Variants in ZNF385D observed in about 807,000 individuals in gnomAD.
ZNF385D encodes zinc finger protein 659.
ZNF385D carries 15 observed loss-of-function variants against 35.8 expected under a neutral mutation model. The observed-to-expected ratio is 0.42, with a 90% CI of 0.28 to 0.64. ZNF385D has a LOEUF of 0.64. ZNF385D is among the 30% of genes least tolerant of loss of function. The pLI is 0.23. For missense variants in ZNF385D, 474 were observed against 494.6 expected, an observed-to-expected ratio of 0.96 and a Z score of 0.39; for synonymous variants, 212 against 186.8, an observed-to-expected ratio of 1.13 and a Z score of -1.10.
intron 3 of ZNF385D, among the ~76,000 whole-genome samples, chr3:21,920,594 A>G (rs8180016): frequency 0.53 from 77,420 of 145,932 alleles, 22,608 homozygotes; most frequent in Non-Finnish European, 0.66. Flanking sequence ...ATTTAGTGAT[A>G]AGAAGAGGGT....
intron 2 of ZNF385D, among the ~76,000 whole-genome samples, chr3:21,577,865 T>A (rs1200820759): frequency 1.3e-5 from 2 of 151,672 alleles, no homozygotes; most frequent in Non-Finnish European, 2.9e-5. Flanking sequence ...GTTAGAATGA[T>A]GTGTTGCAAT....
chr3:22,056,936 T>A (rs1699432514), intron 3 of ZNF385D, among the ~76,000 whole-genome samples: 2 of 152,194 alleles, frequency 1.3e-5, no homozygotes, highest in African/African-American at 4.8e-5. Flanking sequence ...ATCACATCAT[T>A]TTCACCAAAA....
chr3:21,899,943 A>C (rs1699316142), intron 3 of ZNF385D, among the ~76,000 whole-genome samples: 1 of 152,142 alleles, frequency 6.6e-6, no homozygotes, highest in Non-Finnish European at 1.5e-5. Flanking sequence ...TAAGTAAAAG[A>C]CCAAAAACAG....
intron 1 of ZNF385D, among the ~76,000 whole-genome samples, chr3:21,745,412 T>G (rs558104047): frequency 6.6e-6 from 1 of 152,346 alleles, no homozygotes; most frequent in East Asian, 1.9e-4. Context: ...TTTCAAGGGC[T>G]GTGTAAGCCT....
chr3:21,590,258 T>A (rs1382166), intron 2 of ZNF385D, among the ~76,000 whole-genome samples: 83,686 of 151,976 alleles, frequency 0.55, 23,191 homozygotes, highest in East Asian at 0.59. Flanking sequence ...GTTACTATGT[T>A]TATGTATATG....
At chr3:22,366,891 T>C (rs941843594) in intron 2 of ZNF385D, among the ~76,000 whole-genome samples, 5 of 152,120 alleles carry the variant, frequency 3.3e-5, no homozygotes, top group Non-Finnish European at 7.4e-5. Context: ...AAGGCCGAGA[T>C]TGGAGTGATG....
chr3:22,284,365 T>C (rs1701919814), intron 2 of ZNF385D, among the ~76,000 whole-genome samples: 1 of 151,996 alleles, frequency 6.6e-6, no homozygotes, highest in Non-Finnish European at 1.5e-5. Context: ...TTCTTTTTTT[T>C]ATTTTTAGTA....
chr3:21,690,451 C>T (rs989509760), intron 1 of ZNF385D, among the ~76,000 whole-genome samples: 4 of 152,152 alleles, frequency 2.6e-5, no homozygotes, highest in African/African-American at 9.7e-5. Flanking sequence ...ATTAGATGGT[C>T]AACAGGTCAA....
chr3:22,309,969 C>T (rs1703448059), intron 2 of ZNF385D, among the ~76,000 whole-genome samples: 1 of 151,860 alleles, frequency 6.6e-6, no homozygotes, highest in Non-Finnish European at 1.5e-5. Context: ...GCCATGGAGG[C>T]TTGATGAACT....
intron 3 of ZNF385D, among the ~76,000 whole-genome samples, chr3:21,900,378 C>A (rs980349395): frequency 6.6e-6 from 1 of 151,954 alleles, no homozygotes; most frequent in African/African-American, 2.4e-5. Flanking sequence ...AAGCAACCTA[C>A]CCAGCTTCAA....
intron 2 of ZNF385D, among the ~76,000 whole-genome samples, chr3:22,197,281 T>C (rs910875646): frequency 6.6e-6 from 1 of 152,034 alleles, no homozygotes; most frequent in African/African-American, 2.4e-5. Context: ...TATTCTAGGC[T>C]CCTTCTCCTC....
At chr3:22,033,479 C>A (rs1698133493) in intron 3 of ZNF385D, among the ~76,000 whole-genome samples, 1 of 150,024 alleles carries the variant, frequency 6.7e-6, no homozygotes, top group Non-Finnish European at 1.5e-5. Context: ...GCTAATGGAA[C>A]CAGGGAAATC....
intron 4 of ZNF385D, among the ~76,000 whole-genome samples, chr3:21,468,654 G>A (rs1480376975): frequency 6.6e-6 from 1 of 152,068 alleles, no homozygotes; most frequent in African/African-American, 2.4e-5. Flanking sequence ...GGCAGGGGGC[G>A]GTGGCTCACG....
intron 3 of ZNF385D, among the ~76,000 whole-genome samples, chr3:22,076,265 AT>A (rs1700457502): frequency 6.6e-6 from 1 of 151,716 alleles, no homozygotes; most frequent in East Asian, 1.9e-4. Flanking sequence ...ATCCTCCATT[AT>A]TGTGGCCTGG....
chr3:21,730,345 C>A (rs2068939013), intron 1 of ZNF385D, among the ~76,000 whole-genome samples: 2 of 152,208 alleles, frequency 1.3e-5, no homozygotes, highest in South Asian at 4.1e-4. Context: ...CTATGCTCTC[C>A]AACATTGTCT....
At chr3:21,949,934 A>G (rs1246112482) in intron 3 of ZNF385D, among the ~76,000 whole-genome samples, 1 of 151,704 alleles carries the variant, frequency 6.6e-6, no homozygotes. Flanking sequence ...TATGTGCCAC[A>G]TTTTCTTTAT....
intron 3 of ZNF385D, among the ~76,000 whole-genome samples, chr3:22,017,543 T>C (rs990241696): frequency 6.6e-6 from 1 of 152,030 alleles, no homozygotes; most frequent in East Asian, 1.9e-4. Context: ...TAGATTTATG[T>C]CTACCATATT....
intron 2 of ZNF385D, among the ~76,000 whole-genome samples, chr3:21,569,814 A>T (rs922764803): frequency 9.3e-5 from 14 of 150,418 alleles, no homozygotes; most frequent in Non-Finnish European, 1.8e-4. Flanking sequence ...AAGGACAAAA[A>T]ACCAAGCACT....
chr3:21,967,350 T>A (rs969916806), intron 3 of ZNF385D, among the ~76,000 whole-genome samples: 8 of 152,200 alleles, frequency 5.3e-5, no homozygotes, highest in Non-Finnish European at 7.3e-5. Flanking sequence ...TAAAGCCACT[T>A]AAGCATTTAT....
Sources: gnomAD v4.1 joint callset for allele counts (sites outside exome capture counted in the v4.1 genomes callset) on GRCh38, gnomAD v4.1.1 for gene constraint, MANE v1.5 for transcripts, NCBI Gene and HGNC (gene_info 2026-07-23, HGNC 2026-07-21) for gene names.